Variants in CLHC1 observed in about 807,000 individuals in gnomAD.
CLHC1 encodes the protein clathrin heavy chain linker domain containing 1.
Under a neutral mutation model 69.5 loss-of-function variants are expected in CLHC1, and 72 were observed. That is an observed-to-expected ratio of 1.04 (90% CI 0.86 to 1.26). The LOEUF is 1.26. Among genes scored for constraint, CLHC1 ranks in the 50% most tolerant of loss-of-function variants. The pLI, the probability that CLHC1 is intolerant of heterozygous loss-of-function variation, is 0.00. For synonymous variants in CLHC1, 223 were observed against 224.3 expected (o/e 0.99, Z 0.05); for missense variants, 790 against 679.3 (o/e 1.16, Z -1.81).
Position 55,175,897 on chromosome 2 carries a change from C to T in CLHC1, c.1654G>A (p.Asp552Asn). Residue 552 changes from aspartate (D) to asparagine (N), a missense_variant, in exon 13 of 13, where the codon GAC (aspartate) becomes AAC (asparagine). Transcript: ENST00000401408. ...VANICSQNGF[D>N]KLSNDITSIL... ...GACGTGATGTCATTAGATAATTTGT[C>T]AAAGCCATTCTGTGAACATATATTT... is the stretch of plus-strand genomic sequence containing the variant. 6.2e-7 allele frequency: 1 copy of T among 1,614,020 alleles called. No individual in the cohort carries two copies. Among genetic ancestry groups the T allele is most frequent in the Non-Finnish European group, 8.5e-7 (1 of 1,179,932 alleles).
At position 55,224,499 on chromosome 2, in the gene CLHC1, A is replaced by C. The variant is rs546429674; in HGVS notation, c.-82-2006T>G. On this transcript the variant is annotated intron_variant, in intron 2 of 12. Coordinates refer to ENST00000401408, the MANE Select transcript of CLHC1 (RefSeq NM_152385.4). ...AGTTTGTGCAGCAGGCTGTGTGGCC[A>C]GTGTACTCGGAGTGATCCTGGAGTC... 2.9e-4 allele frequency: 103 copies of C among 358,184 alleles called. No individual in the cohort carries two copies. The Middle Eastern group carries it at 3.0e-3, about 11-fold the overall frequency. The allele number at this position is 358,184 out of a possible 1,614,324, so 22.2% of individuals were successfully genotyped here. A position where few individuals can be genotyped will look rare whatever the true frequency, so the allele number is the denominator to read the frequency against.
chr2:55,214,061 C>G (rs971477714), intron 4 of CLHC1, among the ~76,000 whole-genome samples: 17 of 152,144 alleles, frequency 1.1e-4, no homozygotes, highest in African/African-American at 4.1e-4. Flanking sequence ...AAACTTGCTT[C>G]ACAGGATTCT....
intron 1 of CLHC1, among the ~76,000 whole-genome samples, chr2:55,228,737 A>AT (rs1216703123): frequency 6.6e-6 from 1 of 152,202 alleles, no homozygotes; most frequent in African/African-American, 2.4e-5. Flanking sequence ...TTTATTCAAT[A>AT]TTTGGGGGAC....
intron 7 of CLHC1, 50 bp from the exon 8 acceptor site, chr2:55,208,760 T>G (rs766055227): frequency 6.3e-6 from 8 of 1,264,206 alleles, no homozygotes; most frequent in Non-Finnish European, 9.2e-6. Flanking sequence ...TACTTACCAA[T>G]AGAAAACAAT....
chr2:55,182,161 A>G (rs1387546292), intron 9 of CLHC1, among the ~76,000 whole-genome samples: 1 of 152,160 alleles, frequency 6.6e-6, no homozygotes, highest in Non-Finnish European at 1.5e-5. Flanking sequence ...CCAATTTGCT[A>G]TGACCGAAGA....
intron 2 of CLHC1, among the ~76,000 whole-genome samples, chr2:55,227,371 A>T (rs1674805189): frequency 6.6e-6 from 1 of 152,016 alleles, no homozygotes; most frequent in African/African-American, 2.4e-5. Context: ...ACAAACTATA[A>T]ATAAATAATT....
intron 9 of CLHC1, among the ~76,000 whole-genome samples, chr2:55,189,125 G>C (rs373068811): frequency 6.6e-6 from 1 of 152,004 alleles, no homozygotes; most frequent in African/African-American, 2.4e-5. Context: ...AGCAAGCAGT[G>C]AATATTATAA....
intron 2 of CLHC1, among the ~76,000 whole-genome samples, chr2:55,227,434 C>T (rs986320053): frequency 6.6e-6 from 1 of 151,938 alleles, no homozygotes; most frequent in African/African-American, 2.4e-5. Context: ...AATCCCAGCA[C>T]TTTGGGAGGC....
intron 9 of CLHC1, among the ~76,000 whole-genome samples, chr2:55,205,356 G>T (rs927885083): frequency 3.3e-5 from 5 of 151,656 alleles, no homozygotes; most frequent in Non-Finnish European, 5.9e-5. Context: ...CAAAGTCAGA[G>T]AATCAACCTA....
chr2:55,221,216 G>A (rs1375255077), intron 3 of CLHC1, among the ~76,000 whole-genome samples: 2 of 152,144 alleles, frequency 1.3e-5, no homozygotes, highest in African/African-American at 4.8e-5. Flanking sequence ...ACTTCCTGTG[G>A]CAAAGAGGAA....
intron 12 of CLHC1, 81 bp from the exon 13 acceptor site, chr2:55,176,067 G>T: frequency 8.4e-7 from 1 of 1,192,424 alleles, no homozygotes; most frequent in Non-Finnish European, 1.2e-6. Context: ...AATAGAAAAG[G>T]ACATAATTTC....
intron 9 of CLHC1, among the ~76,000 whole-genome samples, chr2:55,198,026 G>A (rs941664980): frequency 1.3e-5 from 2 of 152,164 alleles, no homozygotes; most frequent in African/African-American, 4.8e-5. Flanking sequence ...AAAGAGACAG[G>A]CATAAATTCT....
At chr2:55,202,166 A>G (rs1573679331) in intron 9 of CLHC1, among the ~76,000 whole-genome samples, 1 of 144,266 alleles carries the variant, frequency 6.9e-6, no homozygotes, top group Non-Finnish European at 1.5e-5. Flanking sequence ...AGTTAAAGCA[A>G]TCAGACAAGA....
chr2:55,177,115 C>T (rs2103642264), intron 12 of CLHC1, among the ~76,000 whole-genome samples: 1 of 152,254 alleles, frequency 6.6e-6, no homozygotes, highest in African/African-American at 2.4e-5. Flanking sequence ...TCAAGCGATC[C>T]ACCCGCCTCA....
intron 11 of CLHC1, among the ~76,000 whole-genome samples, chr2:55,178,826 A>G (rs1175154032): frequency 6.6e-6 from 1 of 152,014 alleles, no homozygotes; most frequent in Admixed American, 6.6e-5. Context: ...ATATATAGAG[A>G]TGGGGTCCCA....
At chr2:55,179,117 A>G (rs1007103927) in intron 11 of CLHC1, among the ~76,000 whole-genome samples, 8 of 152,006 alleles carry the variant, frequency 5.3e-5, no homozygotes, top group Non-Finnish European at 8.8e-5. Context: ...TAAAATCTAT[A>G]TCCCATGTCT....
chr2:55,209,825 G>C lies in CLHC1; in HGVS notation c.506C>G (p.Thr169Ser). Residue 169 changes from threonine (T) to serine (S), a missense_variant, in exon 6 of 13, where the codon ACT becomes AGT. Physicochemically the swap from Thr to Ser is moderately conservative, Grantham distance 58 (BLOSUM62 1). Transcript: ENST00000401408. The stretch of plus-strand genomic sequence containing the variant: ...ATCTAGATTCATGGATTCTTGAAGA[G>C]TCATGCCTATGGGGAAAGGGAACAA... ...KDPSKPIPGMTLQESMNLDAL... is the reference protein window; with the variant it reads ...KDPSKPIPGMSLQESMNLDAL... 6.2e-7 allele frequency: 1 copy of C among 1,601,960 alleles called. No homozygotes were observed. The highest frequency in any genetic ancestry group is 1.1e-5 in the South Asian group (1 of 90,716).
intron 9 of CLHC1, among the ~76,000 whole-genome samples, chr2:55,187,330 G>A (rs11685292): frequency 0.48 from 58,186 of 121,628 alleles, 13,455 homozygotes; most frequent in East Asian, 0.55. Context: ...AAATAAAACT[G>A]GGCCAGGCGT....
chr2:55,218,030 A>AT lies in CLHC1; in HGVS notation c.178-33dup, dbSNP rs573577436. ...TATTATTTTTCTGCCTATGGTATTG[A>AT]TTTTTTTTCTAGGAGGCTATGGATT... On this transcript the variant is annotated intron_variant, in intron 3 of 12. Transcript: ENST00000401408. 1.2e-3 allele frequency: 1,428 copies of AT among 1,220,988 alleles called. 10 individuals carry two copies. The African/African-American group carries it at 0.019, about 16-fold the overall frequency. The allele number at this position is 1,220,988 out of a possible 1,614,324, so 75.6% of individuals were successfully genotyped here.
Sources: allele counts gnomAD v4.1 joint callset (sites outside exome capture counted in the v4.1 genomes callset), GRCh38; gene constraint gnomAD v4.1.1; transcripts MANE v1.5; gene names NCBI Gene and HGNC (gene_info 2026-07-23, HGNC 2026-07-21).